The following RSPO2 variants were observed in gnomAD, a reference collection of about 807,000 sequenced individuals.
RSPO2 encodes R-spondin 2.
A neutral mutation model predicts 30.9 loss-of-function variants in RSPO2; 14 were observed. The observed-to-expected ratio is 0.45, with a 90% CI of 0.30 to 0.71. The LOEUF is 0.71. Ranked by LOEUF, RSPO2 falls within the 30% of genes least tolerant of loss-of-function variation. The pLI is 0.08. For missense variants in RSPO2, 264 were observed against 301.9 expected, an observed-to-expected ratio of 0.87 and a Z score of 0.93; for synonymous variants, 107 against 96.4, an observed-to-expected ratio of 1.11 and a Z score of -0.64.
chr8:108,026,720 G>C (rs754164118), intron 2 of RSPO2, among the ~76,000 whole-genome samples: 14 of 152,082 alleles, frequency 9.2e-5, no homozygotes, highest in Non-Finnish European at 2.1e-4. Context: ...TAAAAAATTA[G>C]CCAGGCATGG....
intron 2 of RSPO2, among the ~76,000 whole-genome samples, chr8:108,055,131 G>T (rs562437820): frequency 6.6e-6 from 1 of 150,554 alleles, no homozygotes; most frequent in Non-Finnish European, 1.5e-5. Context: ...AAAAGAAAAA[G>T]AAAAGAAAAC....
intron 5 of RSPO2, among the ~76,000 whole-genome samples, chr8:107,911,110 C>G (rs505461): frequency 6.6e-6 from 1 of 152,054 alleles, no homozygotes; most frequent in South Asian, 2.1e-4. Context: ...TTCCTAGGCT[C>G]CCCCACGGCT....
intron 2 of RSPO2, among the ~76,000 whole-genome samples, chr8:108,076,150 G>A (rs960578339): frequency 7.9e-5 from 12 of 152,202 alleles, no homozygotes; most frequent in Non-Finnish European, 1.6e-4. Context: ...GCTCAACAGC[G>A]CAAGAGCTTG....
intron 2 of RSPO2, among the ~76,000 whole-genome samples, chr8:108,069,835 G>A (rs1392610565): frequency 6.6e-6 from 1 of 152,150 alleles, no homozygotes; most frequent in Non-Finnish European, 1.5e-5. Flanking sequence ...TGATATACTT[G>A]CATTTCTCTA....
rs376412378 is a variant in RSPO2 at position 107,960,733 on chromosome 8, C to T, written c.368G>A (p.Arg123His). 1.0e-4 allele frequency: 163 copies of T among 1,613,380 alleles called. 1 individual carries two copies. In the East Asian group the frequency reaches 1.7e-3, roughly 16 times the overall value. The stretch of plus-strand genomic sequence containing the variant: ...ACCATCTGGACATTCATCAAAGCAA[C>T]GGCCTCTATGCAAATAAAAGCCTAC... ...CKVGFYLHRGRCFDECPDGFA... is the reference protein window; with the variant it reads ...CKVGFYLHRGHCFDECPDGFA... Residue 123 changes from arginine (R) to histidine (H), a missense_variant, in exon 4 of 6, where the codon CGT becomes CAT. By Grantham distance (29) the Arg-to-His change is conservative. Transcript: ENST00000276659.
intron 5 of RSPO2, among the ~76,000 whole-genome samples, chr8:107,925,221 C>T (rs962699453): frequency 6.6e-6 from 1 of 151,440 alleles, no homozygotes; most frequent in Non-Finnish European, 1.5e-5. Context: ...AGGTGACAGG[C>T]GCACTAAAAT....
chr8:108,021,699 T>A (rs985196884), intron 2 of RSPO2, among the ~76,000 whole-genome samples: 1 of 151,372 alleles, frequency 6.6e-6, no homozygotes, highest in African/African-American at 2.4e-5. Context: ...AAAAATGATG[T>A]CATAAGTGGG....
chr8:107,932,640 T>G (rs1812586466), intron 5 of RSPO2, among the ~76,000 whole-genome samples: 1 of 152,070 alleles, frequency 6.6e-6, no homozygotes, highest in Admixed American at 6.6e-5. Context: ...AAGAAAAAAG[T>G]TTATCTCTTT....
chr8:107,907,328 A>T lies in RSPO2; in HGVS notation c.617-6138T>A, dbSNP rs536543483. ...TGCACCTCTTCTTTTCACTAAAAAGATTTTACAGATAGCTGTGTTTTGAAA... is the reference window on the plus strand; with the variant it reads ...TGCACCTCTTCTTTTCACTAAAAAGTTTTTACAGATAGCTGTGTTTTGAAA... On this transcript the variant is annotated intron_variant, in intron 5 of 5. Transcript: ENST00000276659. Among the ~76,000 whole-genome samples the T allele has an allele frequency of 2.0e-3, 307 of 152,094 alleles. 2 individuals carry two copies. Among genetic ancestry groups the T allele is most frequent in the African/African-American group, 7.1e-3 (294 of 41,548 alleles).
chr8:107,987,674 C>A (rs755598095), intron 3 of RSPO2, among the ~76,000 whole-genome samples: 4 of 152,146 alleles, frequency 2.6e-5, no homozygotes, highest in Non-Finnish European at 4.4e-5. Flanking sequence ...AAATAACACT[C>A]CAGGTGAGAG....
intron 2 of RSPO2, among the ~76,000 whole-genome samples, chr8:107,994,926 T>C (rs1814963386): frequency 6.6e-6 from 1 of 152,114 alleles, no homozygotes; most frequent in Non-Finnish European, 1.5e-5. Context: ...ATTATATTTA[T>C]AGCAACTTGC....
chr8:107,901,202 G>A lies in RSPO2; in HGVS notation c.617-12C>T. On this transcript the variant is annotated splice_polypyrimidine_tract_variant and intron_variant, in intron 5 of 5. Coordinates refer to ENST00000276659, the MANE Select transcript of RSPO2 (RefSeq NM_178565.5). ...TGGTGTTCTCTTCCCTGCAATGAAGGAAAGAAAAGAAGAGATGTCAGAAAT... is the reference window on the plus strand; with the variant it reads ...TGGTGTTCTCTTCCCTGCAATGAAGAAAAGAAAAGAAGAGATGTCAGAAAT... 6.2e-7 allele frequency: 1 copy of A among 1,603,926 alleles called. No homozygotes were observed. Among genetic ancestry groups the A allele is most frequent in the Non-Finnish European group, 8.5e-7 (1 of 1,175,972 alleles).
At chr8:108,062,522 C>A (rs1347226910) in intron 2 of RSPO2, among the ~76,000 whole-genome samples, 1 of 151,744 alleles carries the variant, frequency 6.6e-6, no homozygotes, top group African/African-American at 2.4e-5. Flanking sequence ...CAATAACAGG[C>A]TCTGAAATTG....
At chr8:108,040,241 G>A (rs1241195565) in intron 2 of RSPO2, among the ~76,000 whole-genome samples, 1 of 152,048 alleles carries the variant, frequency 6.6e-6, no homozygotes, top group Non-Finnish European at 1.5e-5. Context: ...CAACCAGAAG[G>A]TTGTATAAAC....
intron 2 of RSPO2, among the ~76,000 whole-genome samples, chr8:108,017,778 A>G (rs1318713816): frequency 6.6e-6 from 1 of 152,208 alleles, no homozygotes; most frequent in Non-Finnish European, 1.5e-5. Context: ...CGATTTGTCA[A>G]TCTAGGGAAA....
At chr8:107,968,931 G>T (rs1000742870) in intron 3 of RSPO2, among the ~76,000 whole-genome samples, 1 of 152,088 alleles carries the variant, frequency 6.6e-6, no homozygotes, top group African/African-American at 2.4e-5. Flanking sequence ...ACTGTCTAGA[G>T]TACACTTAGT....
intron 2 of RSPO2, among the ~76,000 whole-genome samples, chr8:108,044,677 G>A (rs1265993877): frequency 6.6e-6 from 1 of 152,014 alleles, no homozygotes; most frequent in Non-Finnish European, 1.5e-5. Flanking sequence ...GAACATACAT[G>A]TGCATGTGTC....
In RSPO2 at chr8:108,021,498, T is replaced by C. The variant is rs377622727; in HGVS notation, c.95-32254A>G. Among the ~76,000 whole-genome samples the C allele has an allele frequency of 2.2e-4, 33 of 152,058 alleles. 2 individuals are homozygous for C. The East Asian group carries it at 4.1e-3, about 19-fold the overall frequency. On this transcript the variant is annotated intron_variant, in intron 2 of 5. Transcript: ENST00000276659. ...ATCAATGTAAACTGAATGCCAAACC[T>C]CTCCTCTTCACAACACAGGTGGGAA...
chr8:108,023,746 T>C (rs1474893394), intron 2 of RSPO2, among the ~76,000 whole-genome samples: 4 of 152,124 alleles, frequency 2.6e-5, no homozygotes, highest in African/African-American at 7.2e-5. Context: ...GGAAATACAT[T>C]GTCTCTAAGG....
Sources: allele counts gnomAD v4.1 joint callset (sites outside exome capture counted in the v4.1 genomes callset), GRCh38; gene constraint gnomAD v4.1.1; transcripts MANE v1.5; gene names NCBI Gene and HGNC (gene_info 2026-07-23, HGNC 2026-07-21).